Variants in CNRIP1 observed in about 807,000 individuals in gnomAD.
The protein encoded by CNRIP1 is CB1 cannabinoid receptor-interacting protein 1.
A neutral mutation model predicts 15.2 loss-of-function variants in CNRIP1; 10 were observed. That is an observed-to-expected ratio of 0.66 (90% CI 0.41 to 1.12). CNRIP1 has a LOEUF of 1.12. CNRIP1 is among the 50% of genes most tolerant of loss of function. The pLI, the probability that CNRIP1 is intolerant of heterozygous loss-of-function variation, is 0.00. For missense variants in CNRIP1, 211 were observed against 214.7 expected (o/e 0.98, Z 0.11); for synonymous variants, 91 against 83.2 (o/e 1.09, Z -0.51).
Position 68,319,512 on chromosome 2 carries a change from G to C in CNRIP1, c.-112C>G. ...AGGAAGCGCGGGGAGGGTGAGGGAGGTGGTGGAGCTGAGGCTGCCGCTAGG... is the reference window on the plus strand; with the variant it reads ...AGGAAGCGCGGGGAGGGTGAGGGAGCTGGTGGAGCTGAGGCTGCCGCTAGG... On this transcript the variant is annotated 5_prime_UTR_variant, in exon 1 of 3. Transcript: ENST00000263655. 3.5e-6 allele frequency: 4 copies of C among 1,149,710 alleles called. No homozygotes were observed. The highest frequency in any genetic ancestry group is 4.7e-6 in the Non-Finnish European group (4 of 854,862). The allele number at this position is 1,149,710 out of a possible 1,614,324, so 71.2% of individuals were successfully genotyped here. A position where few individuals can be genotyped will look rare whatever the true frequency, so the allele number is the denominator to read the frequency against.
At chr2:68,295,339 C>T (rs927429533) in intron 2 of CNRIP1, among the ~76,000 whole-genome samples, 4 of 152,148 alleles carry the variant, frequency 2.6e-5, no homozygotes, top group African/African-American at 9.7e-5. Flanking sequence ...CTAGGCTTTC[C>T]TCTGGGAAAT....
At position 68,319,206 on chromosome 2, in the gene CNRIP1, G is replaced by A. The variant is rs749777344; in HGVS notation, c.179+16C>T. ...CCCATGGGGGACCCTGCTGCCACCA[G>A]GCGCCCCGCACTCACTCGACCTGCA... On this transcript the variant is annotated intron_variant, in intron 1 of 2. Transcript: ENST00000263655. 135 of 1,533,214 alleles carry A rather than the reference G, an allele frequency of 8.8e-5. No homozygotes were observed. Among genetic ancestry groups the A allele is most frequent in the Non-Finnish European group, 5.5e-5 (62 of 1,137,188 alleles). The allele number at this position is 1,533,214 out of a possible 1,614,324, so 95.0% of individuals were successfully genotyped here. A position where few individuals can be genotyped will look rare whatever the true frequency, so the allele number is the denominator to read the frequency against.
chr2:68,291,802 C>A (rs1671179052), downstream of CNRIP1, among the ~76,000 whole-genome samples: 1 of 149,360 alleles, frequency 6.7e-6, no homozygotes, highest in Non-Finnish European at 1.5e-5. Flanking sequence ...TTGCTTGAAC[C>A]TGGGAGGTGG....
intron 2 of CNRIP1, 131 bp from the exon 3 acceptor site, chr2:68,294,157 C>T (rs919869294): frequency 2.5e-5 from 23 of 910,574 alleles, no homozygotes; most frequent in African/African-American, 2.2e-4. Context: ...CTGCAAGGCT[C>T]GGAAGGCTTT....
Position 68,284,469 on chromosome 2 carries a change from G to A in CNRIP1, c.346C>T (p.Arg116Ter), listed in dbSNP as rs372728182. ...TATGTAAGAGAGATCTCTTGGGGTCGTTGTTCCAGGCACTCCTGAAAATAA... is the reference window on the plus strand; with the variant it reads ...TATGTAAGAGAGATCTCTTGGGGTCATTGTTCCAGGCACTCCTGAAAATAA... Residue 116 changes from arginine (R) to a stop codon, truncating the protein, a stop_gained, in exon 3 of 3, where the codon CGA (arginine) becomes TGA (stop). Transcript: ENST00000409559. LOFTEE classifies it low-confidence loss of function (END_TRUNC). 27 of 1,540,676 alleles carry A rather than the reference G, an allele frequency of 1.8e-5. No individual in the cohort carries two copies. The highest frequency in any genetic ancestry group is 4.8e-5 in the South Asian group (4 of 82,974).
intron 2 of CNRIP1, among the ~76,000 whole-genome samples, chr2:68,287,874 C>T (rs1332052216): frequency 6.6e-6 from 1 of 152,218 alleles, no homozygotes; most frequent in Non-Finnish European, 1.5e-5. Context: ...GAATAACATA[C>T]CTTAGGACTA....
At chr2:68,319,012 G>T (rs1402005174) in intron 1 of CNRIP1, among the ~76,000 whole-genome samples, 1 of 152,268 alleles carries the variant, frequency 6.6e-6, no homozygotes, top group Non-Finnish European at 1.5e-5. Context: ...CACTGCGATG[G>T]GTGGAGGGAA....
At position 68,319,658 on chromosome 2, in the gene CNRIP1, C is replaced by T. The variant is rs1672426550; in HGVS notation, c.-258G>A. 4 of 447,734 alleles carry T rather than the reference C, an allele frequency of 8.9e-6. No individual in the cohort carries two copies. Among genetic ancestry groups the T allele is most frequent in the Non-Finnish European group, 1.2e-5 (3 of 251,510 alleles). 27.7% of individuals were successfully genotyped at this position (447,734 alleles called of 1,614,324 possible). The stretch of plus-strand genomic sequence containing the variant: ...GACGGCTCCAAGGCCGCGCGCTTCC[C>T]CATCCCCCGCTCCAGTGCTGCGCCC... On this transcript the variant is annotated 5_prime_UTR_variant, in exon 1 of 3. Coordinates refer to ENST00000263655, the MANE Select transcript of CNRIP1 (RefSeq NM_015463.3).
chr2:68,291,064 T>C (rs993124531), downstream of CNRIP1, among the ~76,000 whole-genome samples: 3 of 152,156 alleles, frequency 2.0e-5, no homozygotes, highest in Non-Finnish European at 4.4e-5. Flanking sequence ...ACTCAAATTT[T>C]GGAGTAGGAG....
At chr2:68,301,276 T>A (rs925899027) in intron 2 of CNRIP1, among the ~76,000 whole-genome samples, 2 of 151,904 alleles carry the variant, frequency 1.3e-5, no homozygotes, top group Non-Finnish European at 2.9e-5. Flanking sequence ...ATTAACAGAA[T>A]AAAGGAGAAA....
downstream of CNRIP1, chr2:68,292,916 A>G (rs566830008): frequency 1.7e-5 from 10 of 586,594 alleles, no homozygotes; most frequent in East Asian, 1.1e-3. Context: ...CATCCCCGTC[A>G]TCCTGTAGCA....
At chr2:68,315,574 C>A (rs1348697144) in intron 2 of CNRIP1, among the ~76,000 whole-genome samples, 1 of 143,804 alleles carries the variant, frequency 7.0e-6, no homozygotes, top group Non-Finnish European at 1.5e-5. Context: ...AAATACAATA[C>A]CCATACAGAC....
At chr2:68,316,762 T>G in intron 2 of CNRIP1, 1 of 374,970 alleles carries the variant, frequency 2.7e-6, no homozygotes, top group Non-Finnish European at 4.8e-6. Context: ...CTCCTCCATT[T>G]AGCTTTAAGT....
rs1225964288 is a variant in CNRIP1, at chr2:68,305,272, A to ATGTGTGTGTGTGTGTG, written c.331-11247_331-11246insCACACACACACACACA. On this transcript the variant is annotated intron_variant, in intron 2 of 2. Coordinates refer to ENST00000263655, the MANE Select transcript of CNRIP1 (RefSeq NM_015463.3). ...AAAAAAAAAAAAAATATATATATAT[A>ATGTGTGTGTGTGTGTG]TATGTGTGTGTGTGTGTGTGTGTGT... is the stretch of plus-strand genomic sequence containing the variant. 3.5e-4 allele frequency among the ~76,000 whole-genome samples: 24 copies of ATGTGTGTGTGTGTGTG among 69,014 alleles called. No individual in the cohort carries two copies. In the East Asian group the frequency reaches 0.012, roughly 34 times the overall value. The allele number at this position is 69,014 out of a possible 152,430, so 45.3% of individuals were successfully genotyped here.
At chr2:68,305,270 A>ATGTGTGTGTGTG (rs1367890101) in intron 2 of CNRIP1, among the ~76,000 whole-genome samples, 18 of 98,608 alleles carry the variant, frequency 1.8e-4, no homozygotes, top group East Asian at 7.0e-4. Context: ...ATATATATAT[A>ATGTGTGTGTGTG]TATATGTGTG....
At chr2:68,286,717 C>A (rs1264390004) in intron 2 of CNRIP1, among the ~76,000 whole-genome samples, 1 of 152,156 alleles carries the variant, frequency 6.6e-6, no homozygotes, top group East Asian at 1.9e-4. Context: ...GGAGGAAATA[C>A]CCTTGGCTGT....
At chr2:68,296,912 G>T (rs563012884) in intron 2 of CNRIP1, among the ~76,000 whole-genome samples, 2 of 151,880 alleles carry the variant, frequency 1.3e-5, no homozygotes, top group Non-Finnish European at 2.9e-5. Context: ...GTGCTGGCGT[G>T]AGCCACCACA....
At chr2:68,296,207 T>A (rs765160941) in intron 2 of CNRIP1, among the ~76,000 whole-genome samples, 6 of 152,234 alleles carry the variant, frequency 3.9e-5, no homozygotes, top group Non-Finnish European at 7.3e-5. Context: ...TATTTTATAT[T>A]GTTACATGAA....
intron 2 of CNRIP1, among the ~76,000 whole-genome samples, chr2:68,311,874 AAAC>A (rs1368774167): frequency 6.6e-6 from 1 of 152,002 alleles, no homozygotes; most frequent in African/African-American, 2.4e-5. Flanking sequence ...CGGAGATTAT[AAAC>A]AACTTTATGG....
Sources: gnomAD v4.1 joint callset for allele counts (sites outside exome capture counted in the v4.1 genomes callset) on GRCh38, gnomAD v4.1.1 for gene constraint, MANE v1.5 for transcripts, NCBI Gene and HGNC (gene_info 2026-07-23, HGNC 2026-07-21) for gene names.